PRDM6: variants seen among roughly 807,000 people sequenced by gnomAD.
PRDM6 encodes PR/SET domain 6, also known as putative histone-lysine N-methyltransferase PRDM6.
Under a neutral mutation model 60.8 loss-of-function variants are expected in PRDM6, and 25 were observed. That is an observed-to-expected ratio of 0.41 (90% confidence interval 0.30 to 0.57). The LOEUF (loss-of-function observed/expected upper bound fraction) is 0.57, where lower values mean the gene tolerates loss of function less well. Ranked by LOEUF, PRDM6 falls within the 20% of genes least tolerant of loss-of-function variation. The pLI is 0.27. For missense variants in PRDM6, 839 were observed against 821.3 expected (o/e 1.02, Z -0.26); for synonymous variants, 407 against 357.4 (o/e 1.14, Z -1.57).
chr5:123,157,544 C>T (rs1399302607), intron 4 of PRDM6, among the ~76,000 whole-genome samples: 1 of 152,118 alleles, frequency 6.6e-6, no homozygotes, highest in Non-Finnish European at 1.5e-5. Flanking sequence ...TTCATGACGG[C>T]GCTTACACTA....
chr5:123,144,402 T>A (rs1308615457), intron 3 of PRDM6, among the ~76,000 whole-genome samples: 1 of 152,222 alleles, frequency 6.6e-6, no homozygotes, highest in Non-Finnish European at 1.5e-5. Context: ...AGTGCAAATA[T>A]TCTTTTCAAG....
chr5:123,137,886 A>G (rs1293198684), intron 3 of PRDM6, among the ~76,000 whole-genome samples: 1 of 152,196 alleles, frequency 6.6e-6, no homozygotes, highest in Non-Finnish European at 1.5e-5. Flanking sequence ...ATTGCTTATG[A>G]TGAGGCTAAG....
At chr5:123,131,405 A>G (rs11958876) in intron 3 of PRDM6, among the ~76,000 whole-genome samples, 8,187 of 152,216 alleles carry the variant, frequency 0.054, 729 homozygotes, top group African/African-American at 0.19. Flanking sequence ...TTTGATTACT[A>G]TATGTTGTAT....
intron 3 of PRDM6, among the ~76,000 whole-genome samples, chr5:123,139,667 C>G (rs1355675785): frequency 6.6e-6 from 1 of 152,108 alleles, no homozygotes; most frequent in African/African-American, 2.4e-5. Flanking sequence ...GTGCTGGACC[C>G]TGGTGACTTT....
At position 123,170,774 on chromosome 5, in the gene PRDM6, C is replaced by T. The variant is rs1765869864; in HGVS notation, c.1162C>T (p.Pro388Ser). ...CIAQDENLNV[P>S]STVMEAMCRQ... is the part of the protein sequence containing the mutation. ...TGTTGCTATTCTCCTAGTAAATGTC[C>T]CTTCAACGGTAATGGAAGCCATGTG... The change falls in exon 6 of 8, where the codon CCT becomes TCT. Residue 388 changes from proline (P) to serine (S), a missense_variant. Pro to Ser is a moderately conservative substitution (Grantham distance 74). Coordinates refer to ENST00000407847, the MANE Select transcript of PRDM6 (RefSeq NM_001136239.4). The T allele has an allele frequency of 6.5e-7, 1 of 1,547,804 alleles. No individual in the cohort carries two copies. Among genetic ancestry groups the T allele is most frequent in the Admixed American group, 2.0e-5 (1 of 50,682 alleles).
intron 2 of PRDM6, among the ~76,000 whole-genome samples, chr5:123,096,979 C>A (rs1376187369): frequency 6.6e-6 from 1 of 151,920 alleles, no homozygotes; most frequent in East Asian, 1.9e-4. Flanking sequence ...GCACAGGCTG[C>A]TAGGGAATGA....
chr5:123,105,244 AT>A (rs973559022), intron 3 of PRDM6, among the ~76,000 whole-genome samples: 3 of 151,758 alleles, frequency 2.0e-5, no homozygotes, highest in South Asian at 2.1e-4. Context: ...ACACCATGTA[AT>A]TTTTTTTTCT....
At chr5:123,185,537 G>A (rs1363536768) in intron 7 of PRDM6, among the ~76,000 whole-genome samples, 1 of 152,124 alleles carries the variant, frequency 6.6e-6, no homozygotes, top group Non-Finnish European at 1.5e-5. Context: ...TATTTTCATT[G>A]AGCTGATAGG....
rs925332829 is a variant in PRDM6 at position 123,192,179 on chromosome 5, T to C, written c.*4978T>C. ...TGGGAATGATGATGATTATAAATTATATTGTGCAATTACTGCCATGCCTTG... is the reference window on the plus strand; with the variant it reads ...TGGGAATGATGATGATTATAAATTACATTGTGCAATTACTGCCATGCCTTG... On this transcript the variant is annotated 3_prime_UTR_variant, in exon 8 of 8. Coordinates refer to ENST00000407847, the MANE Select transcript of PRDM6 (RefSeq NM_001136239.4). 1 of 152,244 alleles carries C rather than the reference T, an allele frequency of 6.6e-6. No homozygotes were observed. The highest frequency in any genetic ancestry group is 1.5e-5 in the Non-Finnish European group (1 of 68,042). 9.4% of individuals were successfully genotyped at this position (152,244 alleles called of 1,614,324 possible). A position where few individuals can be genotyped will look rare whatever the true frequency, so the allele number is the denominator to read the frequency against.
chr5:123,127,367 A>G (rs765327488), intron 3 of PRDM6, among the ~76,000 whole-genome samples: 60 of 152,258 alleles, frequency 3.9e-4, no homozygotes, highest in Non-Finnish European at 8.1e-4. Context: ...ACTCCTATTT[A>G]CTGGAAGCAT....
intron 3 of PRDM6, among the ~76,000 whole-genome samples, chr5:123,133,132 G>C (rs1764871930): frequency 6.6e-6 from 1 of 152,066 alleles, no homozygotes; most frequent in Non-Finnish European, 1.5e-5. Flanking sequence ...TGAGAGGCCT[G>C]TGAATATGAA....
chr5:123,139,743 G>A (rs1624823), intron 3 of PRDM6, among the ~76,000 whole-genome samples: 60,137 of 151,408 alleles, frequency 0.4, 11,945 homozygotes, highest in East Asian at 0.59. Flanking sequence ...TTTTTAAAAT[G>A]TGAAGATTTG....
Position 123,099,292 on chromosome 5 carries a change from G to C in PRDM6, c.593-362G>C, listed in dbSNP as rs1359139306. 1.3e-5 allele frequency among the ~76,000 whole-genome samples: 2 copies of C among 152,188 alleles called. No homozygotes were observed. Among genetic ancestry groups the C allele is most frequent in the Non-Finnish European group, 2.9e-5 (2 of 68,042 alleles). On this transcript the variant is annotated intron_variant, in intron 2 of 7. Coordinates refer to ENST00000407847, the MANE Select transcript of PRDM6 (RefSeq NM_001136239.4). The surrounding 1 kb of genome is among the most constrained non-coding windows in gnomAD (Gnocchi z 4.0). Reference sequence around the variant, plus strand: ...CGAGAGACAGTAGGGAAGAGAGAGAGAGAGACAGAGACAGAGGGAGAGATG... The same window carrying C: ...CGAGAGACAGTAGGGAAGAGAGAGACAGAGACAGAGACAGAGGGAGAGATG...
chr5:123,102,817 A>C (rs941067909), intron 3 of PRDM6, among the ~76,000 whole-genome samples: 4 of 152,078 alleles, frequency 2.6e-5, no homozygotes, highest in Admixed American at 6.5e-5. Context: ...TGGATTGCTA[A>C]TCTTTTCCTG....
chr5:123,131,644 A>G (rs956936441), intron 3 of PRDM6, among the ~76,000 whole-genome samples: 4 of 152,192 alleles, frequency 2.6e-5, no homozygotes, highest in African/African-American at 4.8e-5. Context: ...GGCTGTGTCT[A>G]TCACAACACC....
At chr5:123,175,545 C>T (rs1765986410) in intron 6 of PRDM6, among the ~76,000 whole-genome samples, 1 of 152,312 alleles carries the variant, frequency 6.6e-6, no homozygotes, top group Admixed American at 6.5e-5. Context: ...GTTCTTCAGG[C>T]TGTTTAGTCT....
intron 3 of PRDM6, among the ~76,000 whole-genome samples, chr5:123,103,258 T>C (rs1236441329): frequency 1.3e-5 from 2 of 152,010 alleles, no homozygotes; most frequent in African/African-American, 4.8e-5. Context: ...TTAAGAAGAT[T>C]ACAAGCTAAA....
chr5:123,177,363 T>C (rs949653989), intron 6 of PRDM6, among the ~76,000 whole-genome samples: 24 of 152,326 alleles, frequency 1.6e-4, no homozygotes, highest in African/African-American at 4.8e-4. Flanking sequence ...GACACTGTTA[T>C]TATAGTGGCA....
At chr5:123,129,702 T>G (rs969488889) in intron 3 of PRDM6, among the ~76,000 whole-genome samples, 6 of 152,208 alleles carry the variant, frequency 3.9e-5, no homozygotes. Flanking sequence ...GAGAAACACC[T>G]TGCGTTGTAA....
Sources: allele counts gnomAD v4.1 joint callset (sites outside exome capture counted in the v4.1 genomes callset), GRCh38; gene constraint gnomAD v4.1.1; non-coding constraint Gnocchi (gnomAD v3.1); transcripts MANE v1.5; gene names NCBI Gene and HGNC (gene_info 2026-07-23, HGNC 2026-07-21).